Variants in RANBP17 observed in about 807,000 individuals in gnomAD.
The protein encoded by RANBP17 is RAN binding protein 17.
A neutral mutation model predicts 141.2 loss-of-function variants in RANBP17; 158 were observed. The observed-to-expected ratio is 1.12, with a 90% CI of 0.98 to 1.28. RANBP17 has a LOEUF of 1.28. Ranked by LOEUF, RANBP17 falls within the 50% of genes most tolerant of loss-of-function variation. The pLI is 0.00. For missense variants in RANBP17, 1,438 were observed against 1,290.7 expected (o/e 1.11, Z -1.75); for synonymous variants, 430 against 450.0 (o/e 0.96, Z 0.56).
At chr5:170,865,893 G>C (rs889081907) in intron 1 of RANBP17, among the ~76,000 whole-genome samples, 1 of 152,200 alleles carries the variant, frequency 6.6e-6, no homozygotes, top group African/African-American at 2.4e-5. Flanking sequence ...CAACATCTGT[G>C]CAGGTTTCAA....
intron 14 of RANBP17, among the ~76,000 whole-genome samples, chr5:171,133,261 A>G (rs1424987556): frequency 6.6e-6 from 1 of 152,224 alleles, no homozygotes; most frequent in Non-Finnish European, 1.5e-5. Context: ...TAATACATTT[A>G]CACATATTAT....
intron 16 of RANBP17, among the ~76,000 whole-genome samples, chr5:171,178,386 G>A (rs1472405401): frequency 6.6e-6 from 1 of 152,052 alleles, no homozygotes; most frequent in African/African-American, 2.4e-5. Context: ...ATTCCATGGT[G>A]TATATGTGCA....
intron 14 of RANBP17, among the ~76,000 whole-genome samples, chr5:171,089,754 G>T (rs924698624): frequency 4.6e-5 from 7 of 152,096 alleles, no homozygotes; most frequent in African/African-American, 1.7e-4. Context: ...TCTTTGACTC[G>T]GAAAGGGAAC....
At position 170,899,596 on chromosome 5, in the gene RANBP17, C is replaced by T. The variant is rs1392140915; in HGVS notation, c.489+3481C>T. On this transcript the variant is annotated intron_variant, in intron 5 of 27. Transcript: ENST00000523189. Reference sequence around the variant, plus strand: ...AAGAGAGAGCATCCTTGTCTTGTGCCGGTTTTCAAAGGGAATGCTTCCAGC... The same window carrying T: ...AAGAGAGAGCATCCTTGTCTTGTGCTGGTTTTCAAAGGGAATGCTTCCAGC... Among the ~76,000 whole-genome samples, 10 of 152,198 alleles carry T rather than the reference C, an allele frequency of 6.6e-5. No individual in the cohort carries two copies. The South Asian group carries it at 8.3e-4, about 13-fold the overall frequency.
At chr5:170,924,306 A>T (rs1362136193) in intron 11 of RANBP17, 51 bp from the exon 12 acceptor site, 1 of 1,210,412 alleles carries the variant, frequency 8.3e-7, no homozygotes, top group East Asian at 2.4e-5. Flanking sequence ...TGTGGTGAAT[A>T]AAAGTGCTTC....
At chr5:171,295,160 A>G (rs1030864293) in intron 26 of RANBP17, among the ~76,000 whole-genome samples, 1 of 152,118 alleles carries the variant, frequency 6.6e-6, no homozygotes, top group African/African-American at 2.4e-5. Flanking sequence ...GACTGGCAAA[A>G]TGTTGTCTTT....
intron 14 of RANBP17, among the ~76,000 whole-genome samples, chr5:170,990,795 C>T (rs142052059): frequency 2.4e-3 from 371 of 152,006 alleles, no homozygotes; most frequent in African/African-American, 8.2e-3. Flanking sequence ...AACATAGCTA[C>T]AGGGCTAGAT....
intron 14 of RANBP17, among the ~76,000 whole-genome samples, chr5:171,037,049 C>A (rs1037960181): frequency 3.3e-5 from 5 of 152,034 alleles, no homozygotes; most frequent in African/African-American, 1.2e-4. Context: ...ATACATGTTC[C>A]CCCCCAACAG....
chr5:170,880,947 G>A (rs1053223307), intron 2 of RANBP17, among the ~76,000 whole-genome samples: 3 of 152,184 alleles, frequency 2.0e-5, no homozygotes, highest in Non-Finnish European at 4.4e-5. Context: ...AGCACTGAGC[G>A]CCACATGTGG....
chr5:170,916,481 T>C lies in RANBP17; in HGVS notation c.851T>C (p.Val284Ala). 1.3e-6 allele frequency: 2 copies of C among 1,569,902 alleles called. No individual in the cohort carries two copies. The highest frequency in any genetic ancestry group is 8.6e-7 in the Non-Finnish European group (1 of 1,158,002). Residue 284 changes from valine (V) to alanine (A), a missense_variant, in exon 9 of 28, where the codon GTT becomes GCT. Val to Ala is a moderately conservative substitution (Grantham distance 64). Coordinates refer to ENST00000523189, the MANE Select transcript of RANBP17 (RefSeq NM_022897.5). Reference sequence around the variant, plus strand: ...ATTTTTTAGGCACTTTCATGTTTAGTTCAGTTTGCTTCGACAAGAAGGTCC... The same window carrying C: ...ATTTTTTAGGCACTTTCATGTTTAGCTCAGTTTGCTTCGACAAGAAGGTCC... ...LLSQLALSCLVQFASTRRSLF... is the reference protein window; with the variant it reads ...LLSQLALSCLAQFASTRRSLF...
chr5:171,281,851 G>A (rs1233007127), intron 25 of RANBP17, among the ~76,000 whole-genome samples: 2 of 152,202 alleles, frequency 1.3e-5, no homozygotes, highest in Non-Finnish European at 2.9e-5. Context: ...AGCCTGTTTT[G>A]GAGACTGCAC....
intron 14 of RANBP17, among the ~76,000 whole-genome samples, chr5:171,056,532 A>G (rs1783389725): frequency 6.6e-6 from 1 of 152,186 alleles, no homozygotes; most frequent in Admixed American, 6.5e-5. Flanking sequence ...TAATTTTGGA[A>G]CAGATACCAA....
Position 170,974,238 on chromosome 5 carries a change from A to G in RANBP17, c.1710+5861A>G, listed in dbSNP as rs945211880. 2.0e-5 allele frequency among the ~76,000 whole-genome samples: 3 copies of G among 152,334 alleles called. No individual in the cohort carries two copies. The South Asian group carries it at 6.2e-4, about 32-fold the overall frequency. Reference sequence around the variant, plus strand: ...TCTAGCTGTCAGCCTGTTAAATCAGATAACATCATATGCTTCCAAAATACA... The same window carrying G: ...TCTAGCTGTCAGCCTGTTAAATCAGGTAACATCATATGCTTCCAAAATACA... On this transcript the variant is annotated intron_variant, in intron 14 of 27. Transcript: ENST00000523189.
intron 12 of RANBP17, among the ~76,000 whole-genome samples, chr5:170,944,311 G>C (rs1171181837): frequency 6.6e-6 from 1 of 152,186 alleles, no homozygotes. Context: ...CTGTCACCTA[G>C]GCTAGAGTGC....
intron 22 of RANBP17, among the ~76,000 whole-genome samples, chr5:171,240,545 A>G (rs896251519): frequency 6.6e-6 from 1 of 152,180 alleles, no homozygotes; most frequent in Non-Finnish European, 1.5e-5. Context: ...CAGTCAGGTT[A>G]TCTTTTTCTC....
At chr5:171,278,438 G>C (rs1253388802) in intron 25 of RANBP17, among the ~76,000 whole-genome samples, 2 of 152,106 alleles carry the variant, frequency 1.3e-5, no homozygotes, top group Non-Finnish European at 2.9e-5. Flanking sequence ...AGAATTGCTT[G>C]AACCCAGGAG....
intron 14 of RANBP17, among the ~76,000 whole-genome samples, chr5:170,973,036 G>T (rs547597440): frequency 6.6e-6 from 1 of 152,058 alleles, no homozygotes; most frequent in Non-Finnish European, 1.5e-5. Flanking sequence ...CATATGTGCT[G>T]CTGTCTTTTT....
chr5:170,953,468 A>G, intron 12 of RANBP17, 129 bp from the exon 13 acceptor site: 4 of 616,664 alleles, frequency 6.5e-6, no homozygotes, highest in Non-Finnish European at 1.1e-5. Context: ...TCTATCCAGA[A>G]CTGAGTTCAC....
chr5:171,046,583 A>G (rs1782606673), intron 14 of RANBP17, among the ~76,000 whole-genome samples: 1 of 152,164 alleles, frequency 6.6e-6, no homozygotes, highest in Non-Finnish European at 1.5e-5. Context: ...CAACATAGAT[A>G]CTTAGATATA....
Sources: allele counts gnomAD v4.1 joint callset (sites outside exome capture counted in the v4.1 genomes callset), GRCh38; gene constraint gnomAD v4.1.1; transcripts MANE v1.5; gene names NCBI Gene and HGNC (gene_info 2026-07-23, HGNC 2026-07-21).